The following ADAMTS17 variants were observed in gnomAD, a reference collection of about 807,000 sequenced individuals.
ADAMTS17 encodes the protein A disintegrin and metalloproteinase with thrombospondin motifs 17.
ADAMTS17 carries 113 observed loss-of-function variants against 141.5 expected under a neutral mutation model. That is an observed-to-expected ratio of 0.80 (90% confidence interval 0.69 to 0.93). The LOEUF (loss-of-function observed/expected upper bound fraction) is 0.93, where lower values mean the gene tolerates loss of function less well. Among genes scored for constraint, ADAMTS17 ranks in the 40% least tolerant of loss-of-function variants. ADAMTS17 has a pLI of 0.00. For synonymous variants in ADAMTS17, 768 were observed against 630.6 expected, an observed-to-expected ratio of 1.22 and a Z score of -3.27; for missense variants, 1,659 against 1,517.9, an observed-to-expected ratio of 1.09 and a Z score of -1.54.
Position 99,973,812 on chromosome 15 carries a change from ACC to A in ADAMTS17, c.*588_*589del. 2 of 186,090 alleles carry A rather than the reference ACC, an allele frequency of 1.1e-5. No individual in the cohort carries two copies. The highest frequency in any genetic ancestry group is 2.3e-5 in the Non-Finnish European group (2 of 88,344). 11.5% of individuals were successfully genotyped at this position (186,090 alleles called of 1,614,324 possible). A position where few individuals can be genotyped will look rare whatever the true frequency, so the allele number is the denominator to read the frequency against. On this transcript the variant is annotated 3_prime_UTR_variant, in exon 22 of 22. Coordinates refer to ENST00000268070, the MANE Select transcript of ADAMTS17 (RefSeq NM_139057.4). ...CCACGCACGAGACTTCCAAGGCAAC[ACC>A]TAGGATTTAGAGACTATGTTCTCAG...
rs754201774 is a variant in ADAMTS17 at position 99,974,444 on chromosome 15, G to A, written c.3246C>T (p.Asp1082=). 3 of 1,614,218 alleles carry A rather than the reference G, an allele frequency of 1.9e-6. No individual in the cohort carries two copies. In the South Asian group the frequency reaches 3.3e-5, roughly 18 times the overall value. The part of the protein sequence containing the change: ...WYQRCCQTCR[D]FYANKMRQPP... ...GCTGGCGCATCTTGTTTGCATAGAA[G>A]TCCCTGCAGGTCTGGCAGCAGCGCT... The change falls in exon 22 of 22, where the codon GAC becomes GAT. Residue 1082 remains aspartate (D), a synonymous_variant. Transcript: ENST00000268070.
chr15:100,207,280 G>T (rs1191020659), intron 7 of ADAMTS17, among the ~76,000 whole-genome samples: 1 of 152,200 alleles, frequency 6.6e-6, no homozygotes, highest in East Asian at 1.9e-4. Context: ...CTGTCGACAA[G>T]CCAGGAAAGA....
At chr15:100,214,994 C>T (rs184755671) in intron 7 of ADAMTS17, among the ~76,000 whole-genome samples, 1 of 152,348 alleles carries the variant, frequency 6.6e-6, no homozygotes, top group African/African-American at 2.4e-5. Context: ...ATCTTTTACA[C>T]CTCCATTTGG....
intron 18 of ADAMTS17, among the ~76,000 whole-genome samples, chr15:100,029,221 G>A (rs2029890190): frequency 6.6e-6 from 1 of 152,190 alleles, no homozygotes; most frequent in South Asian, 2.1e-4. Context: ...GTGCTGAGCT[G>A]TATTGACTTT....
intron 7 of ADAMTS17, among the ~76,000 whole-genome samples, chr15:100,203,704 CAAACA>C (rs111810384): frequency 2.8e-3 from 431 of 152,110 alleles, no homozygotes; most frequent in Non-Finnish European, 4.7e-3. Context: ...GACTCTTTCT[CAAACA>C]AAACAAAACA....
At chr15:100,290,087 G>C (rs2044578577) in intron 3 of ADAMTS17, among the ~76,000 whole-genome samples, 1 of 152,060 alleles carries the variant, frequency 6.6e-6, no homozygotes, top group Non-Finnish European at 1.5e-5. Context: ...TCTGCTTGCA[G>C]ACGTTATGAT....
chr15:100,192,388 A>G (rs1247577310), intron 8 of ADAMTS17, among the ~76,000 whole-genome samples: 2 of 152,082 alleles, frequency 1.3e-5, no homozygotes, highest in Non-Finnish European at 2.9e-5. Context: ...GGGGGGAGGC[A>G]CCCCCTTTTC....
intron 15 of ADAMTS17, among the ~76,000 whole-genome samples, chr15:100,060,355 G>A (rs2033019882): frequency 6.6e-6 from 1 of 152,218 alleles, no homozygotes; most frequent in Non-Finnish European, 1.5e-5. Flanking sequence ...GAGCTGGAGT[G>A]TGAGGTTACA....
At chr15:100,065,119 A>G (rs1567114043) in intron 15 of ADAMTS17, among the ~76,000 whole-genome samples, 1 of 152,216 alleles carries the variant, frequency 6.6e-6, no homozygotes, top group South Asian at 2.1e-4. Flanking sequence ...ACAAAAGTTC[A>G]AACAACATAC....
At chr15:100,053,420 CG>C (rs1567092921) in intron 16 of ADAMTS17, among the ~76,000 whole-genome samples, 1 of 152,168 alleles carries the variant, frequency 6.6e-6, no homozygotes, top group African/African-American at 2.4e-5. Flanking sequence ...CCCAAATGCT[CG>C]TTGCAAGCTG....
intron 8 of ADAMTS17, among the ~76,000 whole-genome samples, chr15:100,160,776 G>T (rs1201811710): frequency 6.6e-6 from 1 of 152,132 alleles, no homozygotes; most frequent in Non-Finnish European, 1.5e-5. Flanking sequence ...CTCTAATATA[G>T]ATCACGCTTG....
intron 15 of ADAMTS17, among the ~76,000 whole-genome samples, chr15:100,091,185 A>G (rs1013928034): frequency 1.3e-5 from 2 of 151,910 alleles, no homozygotes; most frequent in East Asian, 1.9e-4. Context: ...AAGAAGGGAA[A>G]GAGTACCACC....
At chr15:100,167,811 G>A (rs553557096) in intron 8 of ADAMTS17, among the ~76,000 whole-genome samples, 80 of 152,328 alleles carry the variant, frequency 5.3e-4, no homozygotes, top group African/African-American at 1.6e-3. Context: ...TTTAGAGGAC[G>A]ATAATTTATG....
At chr15:100,054,362 G>T (rs990294386) in intron 15 of ADAMTS17, among the ~76,000 whole-genome samples, 1 of 152,154 alleles carries the variant, frequency 6.6e-6, no homozygotes, top group African/African-American at 2.4e-5. Context: ...GGAGGGGCAG[G>T]GAATGGAGAA....
At chr15:100,111,279 C>T (rs985864335) in intron 13 of ADAMTS17, among the ~76,000 whole-genome samples, 6 of 152,202 alleles carry the variant, frequency 3.9e-5, no homozygotes, top group Admixed American at 3.9e-4. Flanking sequence ...GGTGAGGCCA[C>T]ATGTTTCAGG....
chr15:100,241,625 C>T (rs976804983), intron 7 of ADAMTS17, among the ~76,000 whole-genome samples: 2 of 152,318 alleles, frequency 1.3e-5, no homozygotes, highest in Non-Finnish European at 2.9e-5. Context: ...TTCATGGATG[C>T]TGGGCCAGGC....
At chr15:100,232,141 G>C (rs897542653) in intron 7 of ADAMTS17, among the ~76,000 whole-genome samples, 2 of 152,190 alleles carry the variant, frequency 1.3e-5, no homozygotes, top group African/African-American at 4.8e-5. Context: ...AGAAAAATTG[G>C]GTTGGGTTGG....
chr15:100,233,500 C>T (rs183085248), intron 7 of ADAMTS17, among the ~76,000 whole-genome samples: 131 of 152,222 alleles, frequency 8.6e-4, no homozygotes, highest in African/African-American at 3.1e-3. Flanking sequence ...GTTTTATTAG[C>T]TCGAAAAATA....
intron 7 of ADAMTS17, among the ~76,000 whole-genome samples, chr15:100,231,372 A>C (rs2042475466): frequency 6.6e-6 from 1 of 152,186 alleles, no homozygotes; most frequent in Non-Finnish European, 1.5e-5. Flanking sequence ...CATTAAAGAC[A>C]ATTCCCAGTG....
Sources: allele counts gnomAD v4.1 joint callset (sites outside exome capture counted in the v4.1 genomes callset), GRCh38; gene constraint gnomAD v4.1.1; transcripts MANE v1.5; gene names NCBI Gene and HGNC (gene_info 2026-07-23, HGNC 2026-07-21).